The following DCAF15 variants were observed in gnomAD, a reference collection of about 807,000 sequenced individuals.
DCAF15 encodes DDB1 and CUL4 associated factor 15.
A neutral mutation model predicts 68.0 loss-of-function variants in DCAF15; 24 were observed. The ratio of observed to expected loss-of-function variants is 0.35; its 90% CI spans 0.26 to 0.50. The LOEUF is 0.50. DCAF15 is among the 20% of genes least tolerant of loss of function. DCAF15 has a pLI of 0.98. For missense variants in DCAF15, 627 were observed against 830.6 expected, an observed-to-expected ratio of 0.75 and a Z score of 3.01; for synonymous variants, 376 against 341.6, an observed-to-expected ratio of 1.10 and a Z score of -1.11.
chr19:13,960,929 T>A lies in DCAF15; in HGVS notation c.1748-11T>A, dbSNP rs762459438. On this transcript the variant is annotated splice_polypyrimidine_tract_variant and intron_variant, in intron 12 of 12. Transcript: ENST00000254337. ...AGGGGCTCTATGCTTTGTCTCCACC[T>A]GTCCCTGTAGGGTGCTCCCTGAAGG... 1 of 1,614,014 alleles carries A rather than the reference T, an allele frequency of 6.2e-7. No individual in the cohort carries two copies.
At chr19:13,960,820 C>CA in intron 12 of DCAF15, 120 bp from the exon 13 acceptor site, 3 of 1,292,034 alleles carry the variant, frequency 2.3e-6, no homozygotes, top group Non-Finnish European at 3.3e-6. Flanking sequence ...AGGTGGAGGG[C>CA]AACTCAGCAG....
At chr19:13,960,416 T>G (rs539416758) in intron 11 of DCAF15, 25 bp downstream of exon 11, 7 of 1,612,820 alleles carry the variant, frequency 4.3e-6, no homozygotes, top group East Asian at 2.2e-5. Flanking sequence ...GGGGGCAGGG[T>G]CAGGGCGCGG....
At position 13,953,070 on chromosome 19, in the gene DCAF15, C is replaced by T. The variant is rs1421990901; in HGVS notation, c.132+426C>T. On this transcript the variant is annotated intron_variant, in intron 1 of 12. Transcript: ENST00000254337. The stretch of plus-strand genomic sequence containing the variant: ...CTTTGGGCTTCCTCCGCCTGATGTT[C>T]CTCTCCCTGCCCAAGCCCCGACCAC... 6 of 1,549,400 alleles carry T rather than the reference C, an allele frequency of 3.9e-6. No individual in the cohort carries two copies. In the Admixed American group the frequency reaches 1.2e-4, roughly 30 times the overall value.
intron 3 of DCAF15, 121 bp downstream of exon 3, chr19:13,954,782 T>C: frequency 2.7e-6 from 3 of 1,099,468 alleles, no homozygotes; most frequent in South Asian, 2.9e-5. Flanking sequence ...GGGGTCATCA[T>C]CAAGATTCCA....
chr19:13,959,720 C>CG lies in DCAF15; in HGVS notation c.1312-41dup, dbSNP rs776740780. ...GCCAAGGACAGTCCCGGGGAGCTGC[C>CG]GGGGGGCAGTTGGCACCGTCCCCTG... On this transcript the variant is annotated intron_variant, in intron 8 of 12. Coordinates refer to ENST00000254337, the MANE Select transcript of DCAF15 (RefSeq NM_138353.4). 39 of 1,612,392 alleles carry CG rather than the reference C, an allele frequency of 2.4e-5. 1 individual carries two copies. The African/African-American group carries it at 2.8e-4, about 12-fold the overall frequency.
chr19:13,954,764 G>A (rs929402693), intron 3 of DCAF15, 103 bp downstream of exon 3: 29 of 1,255,702 alleles, frequency 2.3e-5, no homozygotes, highest in Non-Finnish European at 3.0e-5. Context: ...TGATCATCAT[G>A]TACTCCTGGG....
At position 13,959,453 on chromosome 19, in the gene DCAF15, C is replaced by T. The variant is rs747891885; in HGVS notation, c.1193C>T (p.Ser398Phe). The change falls in exon 7 of 13, where the codon TCC becomes TTC. Residue 398 changes from serine (S) to phenylalanine (F), a missense_variant. Coordinates refer to ENST00000254337, the MANE Select transcript of DCAF15 (RefSeq NM_138353.4). ...NYTKLYYVLESGEGTEPEDEL... is the reference protein window; with the variant it reads ...NYTKLYYVLEFGEGTEPEDEL... ...ACCAAGCTGTACTATGTGCTGGAGT[C>T]CGGAGAGGGGACGGAGCCGGAGGAT... The T allele has an allele frequency of 6.2e-7, 1 of 1,609,550 alleles. No homozygotes were observed. The highest frequency in any genetic ancestry group is 1.1e-5 in the South Asian group (1 of 91,012).
At chr19:13,960,200 A>G in intron 10 of DCAF15, 87 bp from the exon 11 acceptor site, 1 of 1,569,134 alleles carries the variant, frequency 6.4e-7, no homozygotes, top group Admixed American at 1.7e-5. Flanking sequence ...TAGCTGTTCC[A>G]AAGACAAAAG....
intron 1 of DCAF15, 59 bp from the exon 2 acceptor site, chr19:13,954,281 G>A (rs1973240404): frequency 1.4e-6 from 2 of 1,467,820 alleles, no homozygotes; most frequent in Admixed American, 3.4e-5. Context: ...CTCTGCCGTG[G>A]GTGAGGGGGC....
At chr19:13,954,701 G>A (rs1376492691) in intron 3 of DCAF15, 40 bp downstream of exon 3, 1 of 1,611,272 alleles carries the variant, frequency 6.2e-7, no homozygotes, top group South Asian at 1.1e-5. Context: ...TTCAGATGGT[G>A]TGGTTCAGCA....
Position 13,956,540 on chromosome 19 carries a change from G to A in DCAF15, c.784+18G>A, listed in dbSNP as rs374113262. On this transcript the variant is annotated intron_variant, in intron 6 of 12. Coordinates refer to ENST00000254337, the MANE Select transcript of DCAF15 (RefSeq NM_138353.4). The stretch of plus-strand genomic sequence containing the variant: ...CTCGGCAGGTAGGCCCTGCGGTCTC[G>A]TGGCCACCCGGCAACGCGTGAAGCG... 9 of 1,610,720 alleles carry A rather than the reference G, an allele frequency of 5.6e-6. No individual in the cohort carries two copies. Among genetic ancestry groups the A allele is most frequent in the East Asian group, 2.2e-5 (1 of 44,848 alleles).
chr19:13,960,329 C>T lies in DCAF15; in HGVS notation c.1569C>T (p.Leu523=). The T allele has an allele frequency of 6.2e-7, 1 of 1,614,076 alleles. No individual in the cohort carries two copies. Among genetic ancestry groups the T allele is most frequent in the South Asian group, 1.1e-5 (1 of 91,082 alleles). The stretch of plus-strand genomic sequence containing the variant: ...CCAGCCTCAAGGTGGCATGGGACCT[C>T]AACACAGGGATCTTCGAGACAGTCA... ...YHTSLKVAWD[L]NTGIFETVSV... Residue 523 remains leucine, a synonymous_variant, in exon 11 of 13, where the codon CTC becomes CTT. Transcript: ENST00000254337.
chr19:13,960,999 C>A lies in DCAF15; in HGVS notation c.*4C>A. Reference sequence around the variant, plus strand: ...ATATACGTGGATCGTGCTGTGAGGGCCAGGCCGCCCCGGACACTGACTCCA... The same window carrying A: ...ATATACGTGGATCGTGCTGTGAGGGACAGGCCGCCCCGGACACTGACTCCA... On this transcript the variant is annotated 3_prime_UTR_variant, in exon 13 of 13. Coordinates refer to ENST00000254337, the MANE Select transcript of DCAF15 (RefSeq NM_138353.4). 1 of 1,613,632 alleles carries A rather than the reference C, an allele frequency of 6.2e-7. No homozygotes were observed. Among genetic ancestry groups the A allele is most frequent in the Non-Finnish European group, 8.5e-7 (1 of 1,179,986 alleles).
At position 13,954,402 on chromosome 19, in the gene DCAF15, C is replaced by T. The variant is rs768255733; in HGVS notation, c.195C>T (p.Leu65=). The T allele has an allele frequency of 3.1e-6, 5 of 1,612,612 alleles. No homozygotes were observed. The South Asian group carries it at 3.3e-5, about 11-fold the overall frequency. ...RKLPPRVCVS[L]KNIVDEDFLY... ...TGCCTCCCCGGGTGTGCGTGTCCCT[C>T]AAGAACATTGTGGATGAGGACTTCC... Residue 65 remains leucine, a synonymous_variant, in exon 2 of 13, where the codon CTC becomes CTT. Coordinates refer to ENST00000254337, the MANE Select transcript of DCAF15 (RefSeq NM_138353.4).
Position 13,952,584 on chromosome 19 carries a change from A to G in DCAF15, c.72A>G (p.Gly24=). The G allele has an allele frequency of 7.9e-7, 1 of 1,260,298 alleles. No homozygotes were observed. The highest frequency in any genetic ancestry group is 1.0e-6 in the Non-Finnish European group (1 of 999,492). 78.1% of individuals were successfully genotyped at this position (1,260,298 alleles called of 1,614,324 possible). Residue 24 remains glycine (G), a synonymous_variant, in exon 1 of 13, where the codon GGA becomes GGG. Transcript: ENST00000254337. ...GCGGCGGCGGCCCCGGGGGAGCCGG[A>G]GGGAAGCGGGCAGCAGGGCGGCGGC... ...GSGGGGPGGA[G]GKRAAGRRRE...
intron 1 of DCAF15, chr19:13,953,040 G>C: frequency 6.7e-7 from 1 of 1,485,878 alleles, no homozygotes; most frequent in African/African-American, 1.4e-5. Context: ...AGCCCCTGCC[G>C]CTGGCTTTGG....
At chr19:13,956,077 GC>G in intron 4 of DCAF15, 45 bp from the exon 5 acceptor site, 2 of 1,610,036 alleles carry the variant, frequency 1.2e-6, no homozygotes, top group East Asian at 2.2e-5. Flanking sequence ...TGCAGTGGGG[GC>G]CCCCCAGGCG....
Position 13,959,308 on chromosome 19 carries a change from C to T in DCAF15, c.1048C>T (p.Pro350Ser), listed in dbSNP as rs780910742. ...AGCCCGGCCTGCCCTGTGCCCAGGA[C>T]CCTCTGGCAGCCGCTGCCGTGCGCA... Reference protein sequence around the residue: ...EEARPALCPGPSGSRCRAHSE... With the variant: ...EEARPALCPGSSGSRCRAHSE... Residue 350 changes from proline (P) to serine (S), a missense_variant, in exon 7 of 13, where the codon CCC becomes TCC. Coordinates refer to ENST00000254337, the MANE Select transcript of DCAF15 (RefSeq NM_138353.4). 6.2e-7 allele frequency: 1 copy of T among 1,608,502 alleles called. No individual in the cohort carries two copies.
At chr19:13,956,548 C>T in intron 6 of DCAF15, 26 bp downstream of exon 6, 2 of 1,609,874 alleles carry the variant, frequency 1.2e-6, no homozygotes, top group Non-Finnish European at 1.7e-6. Flanking sequence ...TCGTGGCCAC[C>T]CGGCAACGCG....
Sources: allele counts gnomAD v4.1 joint callset, GRCh38; gene constraint gnomAD v4.1.1; transcripts MANE v1.5; gene names NCBI Gene and HGNC (gene_info 2026-07-23, HGNC 2026-07-21).